The following ARB2A variants were observed in gnomAD, a reference collection of about 807,000 sequenced individuals.
ARB2A encodes cotranscriptional regulator ARB2A.
chr5:93,692,615 C>A, the ARB2A span, among the ~76,000 whole-genome samples: 2 of 152,158 alleles, frequency 1.3e-5, no homozygotes, highest in African/African-American at 2.4e-5. Context: ...TTTAACACCT[C>A]ACTGTCAATA....
the ARB2A span, among the ~76,000 whole-genome samples, chr5:93,647,936 A>G: frequency 6.6e-6 from 1 of 152,108 alleles, no homozygotes; most frequent in African/African-American, 2.4e-5. Flanking sequence ...TGAGCTCAGG[A>G]CTTGGAGACC....
chr5:93,895,709 C>A, the ARB2A span, among the ~76,000 whole-genome samples: 3 of 152,102 alleles, frequency 2.0e-5, no homozygotes, highest in East Asian at 5.8e-4. Context: ...TCACAGAAAT[C>A]ATTGAACAAA....
the ARB2A span, among the ~76,000 whole-genome samples, chr5:93,997,641 T>C: frequency 2.0e-5 from 3 of 152,148 alleles, no homozygotes; most frequent in South Asian, 6.2e-4. Context: ...AAGTTATGGC[T>C]GTGTAAGGAG....
the ARB2A span, among the ~76,000 whole-genome samples, chr5:93,819,185 CAAAAA>C: frequency 2.1e-5 from 2 of 93,204 alleles, no homozygotes; most frequent in Non-Finnish European, 2.0e-5. Context: ...AACTCCGTCT[CAAAAA>C]AAAAAAAAAA....
chr5:94,052,453 A>G, the ARB2A span, among the ~76,000 whole-genome samples: 1 of 152,222 alleles, frequency 6.6e-6, no homozygotes, highest in Non-Finnish European at 1.5e-5. Context: ...GGAAAGGAAT[A>G]TCCACAAATA....
the ARB2A span, among the ~76,000 whole-genome samples, chr5:93,673,273 G>T: frequency 6.6e-6 from 1 of 152,092 alleles, no homozygotes. Flanking sequence ...AGAATATAAA[G>T]CCATTTACTC....
chr5:93,786,175 G>T, the ARB2A span, among the ~76,000 whole-genome samples: 27 of 152,312 alleles, frequency 1.8e-4, no homozygotes, highest in Admixed American at 1.4e-3. Flanking sequence ...AACATATGCA[G>T]ATGTATTTAA....
At chr5:93,872,094 G>A in the ARB2A span, among the ~76,000 whole-genome samples, 3 of 151,708 alleles carry the variant, frequency 2.0e-5, no homozygotes, top group Admixed American at 1.3e-4. Flanking sequence ...GACTACAGGC[G>A]CGCACCACCA....
the ARB2A span, among the ~76,000 whole-genome samples, chr5:93,826,533 G>A: frequency 6.6e-6 from 1 of 152,028 alleles, no homozygotes; most frequent in African/African-American, 2.4e-5. Context: ...CTACAAATCT[G>A]TCTAAGCTCT....
the ARB2A span, among the ~76,000 whole-genome samples, chr5:93,934,628 A>G: frequency 2.6e-5 from 4 of 152,306 alleles, no homozygotes; most frequent in Non-Finnish European, 4.4e-5. Flanking sequence ...GGCCCTCTGC[A>G]AAGGTTTCTT....
the ARB2A span, among the ~76,000 whole-genome samples, chr5:93,949,298 T>C: frequency 7.9e-5 from 12 of 151,846 alleles, no homozygotes; most frequent in Non-Finnish European, 1.0e-4. Flanking sequence ...TTACTTATTG[T>C]ATGCCTGTAA....
At chr5:94,065,557 A>G in the ARB2A span, among the ~76,000 whole-genome samples, 60 of 152,276 alleles carry the variant, frequency 3.9e-4, 1 homozygote, top group African/African-American at 1.4e-3. Context: ...AACGAAAACC[A>G]AAAGTGAGCA....
chr5:93,627,438 G>GTTTTTTTTTTTTTTTTTT, the ARB2A span, among the ~76,000 whole-genome samples: 2 of 108,076 alleles, frequency 1.9e-5, no homozygotes, highest in African/African-American at 8.0e-5. Flanking sequence ...TACAAAATGT[G>GTTTTTTTTTTTTTTTTTT]TTTTGTTTTT....
chr5:93,884,642 G>T, the ARB2A span, among the ~76,000 whole-genome samples: 6 of 151,450 alleles, frequency 4.0e-5, no homozygotes, highest in African/African-American at 1.5e-4. Flanking sequence ...ATTTCAGATT[G>T]CCAATTTAAT....
chr5:93,682,990 T>C, the ARB2A span: 1 of 1,583,728 alleles, frequency 6.3e-7, no homozygotes, highest in Non-Finnish European at 8.6e-7. Context: ...TAATGTCTTC[T>C]ACAGAACTAG....
At chr5:93,715,630 T>A in the ARB2A span, among the ~76,000 whole-genome samples, 2 of 150,170 alleles carry the variant, frequency 1.3e-5, no homozygotes, top group Non-Finnish European at 3.0e-5. Context: ...TTTGCACTGA[T>A]CCTTTCCCCC....
the ARB2A span, among the ~76,000 whole-genome samples, chr5:93,983,527 G>A: frequency 6.6e-6 from 1 of 151,932 alleles, no homozygotes. Flanking sequence ...AAAGTAAAAG[G>A]GAAGGAGGAA....
the ARB2A span, chr5:93,620,147 G>T: frequency 2.0e-5 from 3 of 152,168 alleles, no homozygotes; most frequent in African/African-American, 7.2e-5. Context: ...AAAAAGTAAA[G>T]TCAATCCCAG....
chr5:93,814,774 A>G, the ARB2A span, among the ~76,000 whole-genome samples: 1 of 152,220 alleles, frequency 6.6e-6, no homozygotes, highest in Non-Finnish European at 1.5e-5. Flanking sequence ...CTTTAATAAC[A>G]ATTTTTGGAA....
Sources: allele counts gnomAD v4.1 joint callset (sites outside exome capture counted in the v4.1 genomes callset), GRCh38; gene constraint gnomAD v4.1.1; transcripts MANE v1.5; gene names NCBI Gene and HGNC (gene_info 2026-07-23, HGNC 2026-07-21).